CSRNP3: variants seen among roughly 807,000 people sequenced by gnomAD.
CSRNP3 encodes the protein cysteine/serine-rich nuclear protein 3.
In CSRNP3, 12 loss-of-function variants were observed where a neutral mutation model predicts 48.0. The ratio of observed to expected loss-of-function variants is 0.25; its 90% confidence interval spans 0.16 to 0.41. CSRNP3 has a LOEUF of 0.41. Among genes scored for constraint, CSRNP3 ranks in the 10% least tolerant of loss-of-function variants. CSRNP3 has a pLI of 1.00. For synonymous variants in CSRNP3, 263 were observed against 269.7 expected (o/e 0.98, Z 0.24); for missense variants, 580 against 724.4 (o/e 0.80, Z 2.29).
Position 165,679,808 on chromosome 2 carries a change from T to C in CSRNP3, c.*55T>C, listed in dbSNP as rs200455162. The C allele has an allele frequency of 1.2e-4, 181 of 1,549,632 alleles. No individual in the cohort carries two copies. The highest frequency in any genetic ancestry group is 1.7e-4 in the Middle Eastern group (1 of 5,746). Reference sequence around the variant, plus strand: ...CTCTTATTTAAGGCACTGTATTTAATTGGATTTCCTGGGCTCATCATTGTT... The same window carrying C: ...CTCTTATTTAAGGCACTGTATTTAACTGGATTTCCTGGGCTCATCATTGTT... On this transcript the variant is annotated 3_prime_UTR_variant, in exon 7 of 7. Transcript: ENST00000651982.
chr2:165,665,989 A>AAAGC (rs1687182630), intron 5 of CSRNP3, among the ~76,000 whole-genome samples: 1 of 116,418 alleles, frequency 8.6e-6, no homozygotes, highest in Non-Finnish European at 1.7e-5. Context: ...AGAAAGAGAG[A>AAAGC]AAGGAAGGAA....
At chr2:165,615,893 T>A in intron 4 of CSRNP3, among the ~76,000 whole-genome samples, 1 of 60,402 alleles carries the variant, frequency 1.7e-5, no homozygotes, top group Admixed American at 2.6e-4. Flanking sequence ...GTGGGGTTTT[T>A]TTTTTTTTTT....
intron 1 of CSRNP3, among the ~76,000 whole-genome samples, chr2:165,491,884 G>C (rs1684214667): frequency 1.4e-5 from 2 of 140,592 alleles, no homozygotes; most frequent in African/African-American, 2.6e-5. Flanking sequence ...GCACCAGCAT[G>C]GCACATGTAT....
chr2:165,613,612 A>G (rs924635234), intron 4 of CSRNP3, among the ~76,000 whole-genome samples: 2 of 152,172 alleles, frequency 1.3e-5, no homozygotes, highest in African/African-American at 4.8e-5. Flanking sequence ...CTTTTTCTGC[A>G]TATAGATATT....
At chr2:165,559,192 T>C (rs1434958392) in intron 3 of CSRNP3, among the ~76,000 whole-genome samples, 1 of 152,210 alleles carries the variant, frequency 6.6e-6, no homozygotes, top group Non-Finnish European at 1.5e-5. Flanking sequence ...ATTTTCATTA[T>C]ATTCAAAATT....
intron 2 of CSRNP3, among the ~76,000 whole-genome samples, chr2:165,499,348 T>C (rs1036094979): frequency 3.9e-5 from 6 of 152,108 alleles, no homozygotes; most frequent in Non-Finnish European, 8.8e-5. Flanking sequence ...TTCTGACAGC[T>C]TGGGGGAAGA....
In CSRNP3 at chr2:165,683,524, A is replaced by G. The variant is rs1216038791; in HGVS notation, c.*3771A>G. ...TTACCATTAAACAGGAAAACATACC[A>G]TGATTTACTTTCTATAACTTGCTAA... On this transcript the variant is annotated 3_prime_UTR_variant, in exon 7 of 7. Coordinates refer to ENST00000651982, the MANE Select transcript of CSRNP3 (RefSeq NM_001172173.2). 3.3e-5 allele frequency: 5 copies of G among 152,140 alleles called. No homozygotes were observed. Among genetic ancestry groups the G allele is most frequent in the Admixed American group, 6.6e-5 (1 of 15,256 alleles). The allele number at this position is 152,140 out of a possible 1,614,324, so 9.4% of individuals were successfully genotyped here.
intron 3 of CSRNP3, among the ~76,000 whole-genome samples, chr2:165,559,796 C>T (rs201110648): frequency 1.3e-4 from 13 of 98,426 alleles, no homozygotes; most frequent in East Asian, 3.1e-4. Flanking sequence ...TTCTTTCTTT[C>T]TTTTTTTTTT....
chr2:165,507,428 A>C (rs190590629), intron 2 of CSRNP3, among the ~76,000 whole-genome samples: 31 of 152,216 alleles, frequency 2.0e-4, no homozygotes, highest in South Asian at 4.1e-4. Flanking sequence ...AACAGCATTG[A>C]ATCTGCAGTT....
At chr2:165,626,087 G>A (rs1478847650) in intron 4 of CSRNP3, among the ~76,000 whole-genome samples, 1 of 151,764 alleles carries the variant, frequency 6.6e-6, no homozygotes, top group Non-Finnish European at 1.5e-5. Flanking sequence ...GCCCAGCATG[G>A]TGGTGGGTGC....
In CSRNP3 at chr2:165,686,948, CAG is replaced by C. The variant is rs1687640052; in HGVS notation, c.*7196_*7197del. ...GTCATATGGCTCATCGATCTACCAC[CAG>C]GGAAGACTGTCACTTAGGCATGCCC... On this transcript the variant is annotated 3_prime_UTR_variant, in exon 7 of 7. Transcript: ENST00000651982. 1 of 152,118 alleles carries C rather than the reference CAG, an allele frequency of 6.6e-6. No homozygotes were observed. The highest frequency in any genetic ancestry group is 2.1e-4 in the South Asian group (1 of 4,828). 9.4% of individuals were successfully genotyped at this position (152,118 alleles called of 1,614,324 possible).
At chr2:165,617,068 A>T (rs1355240771) in intron 4 of CSRNP3, among the ~76,000 whole-genome samples, 1 of 151,672 alleles carries the variant, frequency 6.6e-6, no homozygotes, top group Non-Finnish European at 1.5e-5. Flanking sequence ...TGATTTTCTA[A>T]TTTTTTTATT....
At chr2:165,555,761 A>G (rs1685153484) in intron 3 of CSRNP3, among the ~76,000 whole-genome samples, 1 of 152,246 alleles carries the variant, frequency 6.6e-6, no homozygotes, top group Admixed American at 6.5e-5. Context: ...GTGAGTAGGC[A>G]TTAGTCAGAT....
intron 5 of CSRNP3, among the ~76,000 whole-genome samples, chr2:165,668,634 T>C (rs1422606609): frequency 6.6e-6 from 1 of 151,986 alleles, no homozygotes; most frequent in Non-Finnish European, 1.5e-5. Flanking sequence ...ACCCCTGAGC[T>C]CGTTATCTGC....
At chr2:165,498,647 A>G (rs1298381971) in intron 2 of CSRNP3, among the ~76,000 whole-genome samples, 1 of 152,174 alleles carries the variant, frequency 6.6e-6, no homozygotes, top group Non-Finnish European at 1.5e-5. Context: ...TTCAAATAAA[A>G]TTTTATTTAT....
chr2:165,657,664 G>A lies in CSRNP3; in HGVS notation c.149-97G>A. On this transcript the variant is annotated intron_variant, in intron 4 of 6. Transcript: ENST00000651982. ...AGAGTGCCCTAGCCAACAAGGGTTG[G>A]CCACAGATAGATTCAAGATCACCAA... 13 of 1,462,052 alleles carry A rather than the reference G, an allele frequency of 8.9e-6. No homozygotes were observed. In the South Asian group the frequency reaches 1.5e-4, roughly 17 times the overall value. 90.6% of individuals were successfully genotyped at this position (1,462,052 alleles called of 1,614,324 possible).
chr2:165,614,258 A>G (rs1054822926), intron 4 of CSRNP3, among the ~76,000 whole-genome samples: 4 of 152,098 alleles, frequency 2.6e-5, no homozygotes, highest in Non-Finnish European at 5.9e-5. Context: ...TAGAAACACT[A>G]CTGATATTTG....
chr2:165,562,737 A>T (rs1454095170), intron 3 of CSRNP3, among the ~76,000 whole-genome samples: 4 of 152,216 alleles, frequency 2.6e-5, no homozygotes, highest in Non-Finnish European at 5.9e-5. Flanking sequence ...AGATATAAAT[A>T]TGAATAAGAC....
chr2:165,666,631 T>G (rs111067446), intron 5 of CSRNP3, among the ~76,000 whole-genome samples: 31,270 of 31,384 alleles, frequency 1, 15,579 homozygotes, highest in Middle Eastern at 1. Flanking sequence ...AGGAAGGAAG[T>G]AAGGGAGGAA....
Sources: allele counts gnomAD v4.1 joint callset (sites outside exome capture counted in the v4.1 genomes callset), GRCh38; gene constraint gnomAD v4.1.1; transcripts MANE v1.5; gene names NCBI Gene and HGNC (gene_info 2026-07-23, HGNC 2026-07-21).